RGL1: variants seen among roughly 807,000 people sequenced by gnomAD.
The protein encoded by RGL1 is ral guanine nucleotide dissociation stimulator-like 1.
A neutral mutation model predicts 95.2 loss-of-function variants in RGL1; 24 were observed. The observed-to-expected ratio is 0.25, with a 90% CI of 0.18 to 0.35. The LOEUF (loss-of-function observed/expected upper bound fraction) is 0.35, where lower values mean the gene tolerates loss of function less well. Ranked by LOEUF, RGL1 falls within the 10% of genes least tolerant of loss-of-function variation. RGL1 has a pLI of 1.00. For missense variants in RGL1, 715 were observed against 936.3 expected, an observed-to-expected ratio of 0.76 and a Z score of 3.08; for synonymous variants, 329 against 344.9, an observed-to-expected ratio of 0.95 and a Z score of 0.51.
chr1:183,791,146 A>C lies in RGL1; in HGVS notation c.133-15229A>C, dbSNP rs956392589. On this transcript the variant is annotated intron_variant, in intron 2 of 18. Coordinates refer to the RGL1 transcript ENST00000304685. ...GACCTCACTTTGTGTCCTAGACAAA[A>C]CAGGATCAGTGTGGGTCATTATGAG... 3.3e-5 allele frequency among the ~76,000 whole-genome samples: 5 copies of C among 152,338 alleles called. No individual in the cohort carries two copies. The East Asian group carries it at 9.6e-4, about 29-fold the overall frequency.
intron 2 of RGL1, among the ~76,000 whole-genome samples, chr1:183,819,278 G>C (rs1312432294): frequency 2.0e-5 from 3 of 152,186 alleles, no homozygotes; most frequent in Non-Finnish European, 4.4e-5. Context: ...TGCCCATAAT[G>C]ATGAGGCCTG....
At chr1:183,832,839 T>C (rs766383687) in intron 2 of RGL1, among the ~76,000 whole-genome samples, 1 of 152,218 alleles carries the variant, frequency 6.6e-6, no homozygotes, top group Non-Finnish European at 1.5e-5. Flanking sequence ...GTTATTGTTA[T>C]TCTTGAGAAA....
intron 1 of RGL1, among the ~76,000 whole-genome samples, chr1:183,712,378 G>A (rs1655336121): frequency 6.6e-6 from 1 of 152,212 alleles, no homozygotes; most frequent in South Asian, 2.1e-4. Context: ...GGTTGTAAGC[G>A]ATTCATTTTT....
At chr1:183,807,020 C>G (rs183048982) in intron 2 of RGL1, among the ~76,000 whole-genome samples, 1 of 152,124 alleles carries the variant, frequency 6.6e-6, no homozygotes. Flanking sequence ...ATGCTTAGTA[C>G]CCACTACTTT....
At chr1:183,799,141 A>G (rs1660853539) in intron 2 of RGL1, among the ~76,000 whole-genome samples, 1 of 152,078 alleles carries the variant, frequency 6.6e-6, no homozygotes, top group Non-Finnish European at 1.5e-5. Context: ...CAACCTCGTG[A>G]TCTGCCTGCC....
At chr1:183,854,594 A>G (rs1174762755) in intron 3 of RGL1, among the ~76,000 whole-genome samples, 1 of 152,184 alleles carries the variant, frequency 6.6e-6, no homozygotes, top group Non-Finnish European at 1.5e-5. Context: ...GGATTTTGTC[A>G]TAGATGTCAA....
intron 1 of RGL1, among the ~76,000 whole-genome samples, chr1:183,687,578 A>G (rs1481224068): frequency 2.0e-5 from 3 of 152,122 alleles, no homozygotes. Context: ...TTCTGTGGAA[A>G]CCTGAAAAGG....
chr1:183,845,394 A>ATTCTCT (rs1664353583), intron 2 of RGL1, among the ~76,000 whole-genome samples: 1 of 152,166 alleles, frequency 6.6e-6, no homozygotes. Context: ...CTTCATTTTA[A>ATTCTCT]TTCTCTTCCC....
chr1:183,785,489 C>T (rs1315758557), intron 2 of RGL1, among the ~76,000 whole-genome samples: 1 of 152,144 alleles, frequency 6.6e-6, no homozygotes, highest in Non-Finnish European at 1.5e-5. Flanking sequence ...TATAGCATTT[C>T]TCGCATTATT....
At chr1:183,857,058 CT>C (rs1665198368) in intron 3 of RGL1, among the ~76,000 whole-genome samples, 1 of 152,122 alleles carries the variant, frequency 6.6e-6, no homozygotes, top group Admixed American at 6.5e-5. Flanking sequence ...TACTAATCAG[CT>C]GACTATAAAA....
intron 2 of RGL1, among the ~76,000 whole-genome samples, chr1:183,822,905 G>A (rs1303974667): frequency 6.6e-6 from 1 of 152,092 alleles, no homozygotes; most frequent in Non-Finnish European, 1.5e-5. Flanking sequence ...CTGTTTTAGG[G>A]TCTTTTCTCT....
intron 3 of RGL1, among the ~76,000 whole-genome samples, chr1:183,857,713 AACCATAATT>A (rs1665245187): frequency 6.6e-6 from 1 of 152,346 alleles, no homozygotes; most frequent in East Asian, 1.9e-4. Context: ...AATTATATCC[AACCATAATT>A]ACCTGAGGGA....
chr1:183,639,700 C>CA (rs11335181), intron 1 of RGL1, among the ~76,000 whole-genome samples: 10,367 of 140,942 alleles, frequency 0.074, 590 homozygotes, highest in African/African-American at 0.16. Flanking sequence ...ACCTGTAAGC[C>CA]AAAAAAAAAA....
intron 2 of RGL1, among the ~76,000 whole-genome samples, chr1:183,813,438 A>G (rs1661863239): frequency 6.6e-6 from 1 of 152,248 alleles, no homozygotes; most frequent in African/African-American, 2.4e-5. Context: ...TAGGCTCACC[A>G]TGAACAAGGC....
intron 2 of RGL1, among the ~76,000 whole-genome samples, chr1:183,808,795 C>T (rs898375201): frequency 3.3e-5 from 5 of 151,244 alleles, no homozygotes; most frequent in African/African-American, 1.2e-4. Flanking sequence ...AGACTAATGC[C>T]CAGAGAGGTT....
chr1:183,894,437 A>G (rs1436262514), intron 9 of RGL1, among the ~76,000 whole-genome samples: 1 of 152,216 alleles, frequency 6.6e-6, no homozygotes, highest in Non-Finnish European at 1.5e-5. Context: ...TGGTCTGTGC[A>G]TTATCATTAA....
chr1:183,907,867 C>G, intron 14 of RGL1, among the ~76,000 whole-genome samples: 1 of 151,944 alleles, frequency 6.6e-6, no homozygotes. Flanking sequence ...CATGGTGGTG[C>G]ACGCATGTAG....
chr1:183,898,202 C>T (rs988470885), intron 10 of RGL1, among the ~76,000 whole-genome samples: 3 of 152,184 alleles, frequency 2.0e-5, no homozygotes, highest in East Asian at 1.9e-4. Flanking sequence ...GTCTCTTCCG[C>T]CCCCTCCTGC....
At chr1:183,823,730 G>A (rs942169071) in intron 2 of RGL1, among the ~76,000 whole-genome samples, 1 of 152,196 alleles carries the variant, frequency 6.6e-6, no homozygotes, top group African/African-American at 2.4e-5. Flanking sequence ...TATCATGTCT[G>A]TAGCATTCCA....
Sources: gnomAD v4.1 joint callset for allele counts (sites outside exome capture counted in the v4.1 genomes callset) on GRCh38, gnomAD v4.1.1 for gene constraint, MANE v1.5 for transcripts, NCBI Gene and HGNC (gene_info 2026-07-23, HGNC 2026-07-21) for gene names.